Variants in KCNV1 observed in about 807,000 individuals in gnomAD.
KCNV1 encodes the protein potassium voltage-gated channel subfamily V member 1.
Under a neutral mutation model 36.4 loss-of-function variants are expected in KCNV1, and 2 were observed. The ratio of observed to expected loss-of-function variants is 0.05; its 90% CI spans 0.02 to 0.17. The LOEUF is 0.17. Among genes scored for constraint, KCNV1 ranks in the 10% least tolerant of loss-of-function variants. The pLI, the probability that KCNV1 is intolerant of heterozygous loss-of-function variation, is 1.00. For missense variants in KCNV1, 321 were observed against 643.6 expected, an observed-to-expected ratio of 0.50 and a Z score of 5.42; for synonymous variants, 280 against 261.1, an observed-to-expected ratio of 1.07 and a Z score of -0.70.
intron 1 of KCNV1, among the ~76,000 whole-genome samples, 198 bp downstream of exon 1, chr8:109,975,421 A>T (rs1157661986): frequency 1.3e-5 from 2 of 152,166 alleles, no homozygotes; most frequent in Non-Finnish European, 2.9e-5. Flanking sequence ...AGGCAAAAAG[A>T]CAAGGAATAG....
chr8:109,967,892 T>G lies in KCNV1; in HGVS notation c.*196A>C. ...TGTGTTAATTGGCTATTTTGGACAC[T>G]CAAATGTGTCAGAACACTGTGCAGT... On this transcript the variant is annotated 3_prime_UTR_variant, in exon 4 of 4. Transcript: ENST00000524391. 1 of 544,172 alleles carries G rather than the reference T, an allele frequency of 1.8e-6. No individual in the cohort carries two copies. The highest frequency in any genetic ancestry group is 3.2e-6 in the Non-Finnish European group (1 of 314,560). The allele number at this position is 544,172 out of a possible 1,614,324, so 33.7% of individuals were successfully genotyped here.
In KCNV1 at chr8:109,972,385, G is replaced by T. The variant is rs773302507; in HGVS notation, c.864C>A (p.Ile288=). Residue 288 remains isoleucine (I), a synonymous_variant, in exon 3 of 4, where the codon ATC becomes ATA. Coordinates refer to ENST00000524391, the MANE Select transcript of KCNV1 (RefSeq NM_014379.4). This position sits in a 1 kb window ranked among gnomAD's most constrained non-coding sequence, Gnocchi z 5.2. ...CACTTAGGCTCTCTACCAGAAGAGT[G>T]ATGTAGAAGGGCAAGATGGCAAGGA... ...IDLLAILPFY[I]TLLVESLSGS... is the part of the protein sequence containing the mutation. 2.5e-6 allele frequency: 4 copies of T among 1,614,130 alleles called. No homozygotes were observed. The highest frequency in any genetic ancestry group is 3.4e-6 in the Non-Finnish European group (4 of 1,180,028).
Position 109,966,013 on chromosome 8 carries a change from A to C in KCNV1, c.*2075T>G, listed in dbSNP as rs951148665. 6.6e-6 allele frequency: 1 copy of C among 152,204 alleles called. No homozygotes were observed. Among genetic ancestry groups the C allele is most frequent in the African/African-American group, 2.4e-5 (1 of 41,452 alleles). The allele number at this position is 152,204 out of a possible 1,614,324, so 9.4% of individuals were successfully genotyped here. On this transcript the variant is annotated 3_prime_UTR_variant, in exon 4 of 4. Coordinates refer to ENST00000524391, the MANE Select transcript of KCNV1 (RefSeq NM_014379.4). ...TTTGAACAGAATATTAACTACAAGAAAACAGGACCTAGTCTTGTTTAAGAA... is the reference window on the plus strand; with the variant it reads ...TTTGAACAGAATATTAACTACAAGACAACAGGACCTAGTCTTGTTTAAGAA...
chr8:109,963,980 G>A lies in KCNV1; in HGVS notation c.*4108C>T, dbSNP rs1819916252. The A allele has an allele frequency of 1.3e-5, 2 of 152,008 alleles. No individual in the cohort carries two copies. The highest frequency in any genetic ancestry group is 6.6e-5 in the Admixed American group (1 of 15,250). The allele number at this position is 152,008 out of a possible 1,614,324, so 9.4% of individuals were successfully genotyped here. On this transcript the variant is annotated 3_prime_UTR_variant, in exon 4 of 4. Coordinates refer to ENST00000524391, the MANE Select transcript of KCNV1 (RefSeq NM_014379.4). ...TGAAGACACAAAAGGTGGTTGCAACGAAAGCAAAAATTGGCAAATGGGATC... is the reference window on the plus strand; with the variant it reads ...TGAAGACACAAAAGGTGGTTGCAACAAAAGCAAAAATTGGCAAATGGGATC...
intron 2 of KCNV1, among the ~76,000 whole-genome samples, chr8:109,973,041 G>A (rs991412722): frequency 2.7e-5 from 4 of 149,326 alleles, no homozygotes; most frequent in East Asian, 2.0e-4. Flanking sequence ...GCAGCGGAGT[G>A]ATCTCGGCTT....
At position 109,968,111 on chromosome 8, in the gene KCNV1, C is replaced by T. The variant is rs1819965430; in HGVS notation, c.1480G>A (p.Gly494Arg). ...GRERASTRSS[G>R]GDDFWF ...ATTCAAAACCAGAAATCATCTCCCC[C>T]GCTGCTCCTAGTACTTGCTCTTTCT... Residue 494 changes from glycine to arginine, a missense_variant, in exon 4 of 4, where the codon GGG becomes AGG. Gly to Arg is a moderately radical substitution (Grantham distance 125). Around this residue, in one of 5 missense-constraint regions of KCNV1, gnomAD observed 45 missense variants for 76.8 expected, o/e 0.59. Coordinates refer to ENST00000524391, the MANE Select transcript of KCNV1 (RefSeq NM_014379.4). The surrounding 1 kb of genome is among the most constrained non-coding windows in gnomAD (Gnocchi z 5.3). The T allele has an allele frequency of 1.2e-6, 2 of 1,612,012 alleles. No individual in the cohort carries two copies. The highest frequency in any genetic ancestry group is 1.7e-6 in the Non-Finnish European group (2 of 1,178,344).
intron 3 of KCNV1, among the ~76,000 whole-genome samples, chr8:109,969,709 G>A (rs1248493160): frequency 1.3e-5 from 2 of 152,064 alleles, no homozygotes; most frequent in African/African-American, 2.4e-5. Context: ...GCCCAGCGTG[G>A]TGGTGCGTGC....
rs1229188508 is a variant in KCNV1, at chr8:109,966,172, TA to T, written c.*1915del. ...GGGATATTTTGAGGATAAAATGGCA[TA>T]ATACATGATGAATACAGAGCATAGT... On this transcript the variant is annotated 3_prime_UTR_variant, in exon 4 of 4. Coordinates refer to ENST00000524391, the MANE Select transcript of KCNV1 (RefSeq NM_014379.4). The T allele has an allele frequency of 1.3e-4, 20 of 152,192 alleles. No homozygotes were observed. The highest frequency in any genetic ancestry group is 4.8e-4 in the African/African-American group (20 of 41,438). 9.4% of individuals were successfully genotyped at this position (152,192 alleles called of 1,614,324 possible).
Position 109,972,609 on chromosome 8 carries a change from C to A in KCNV1, c.640G>T (p.Val214Phe), listed in dbSNP as rs765741797. 4 of 1,614,026 alleles carry A rather than the reference C, an allele frequency of 2.5e-6. No individual in the cohort carries two copies. The highest frequency in any genetic ancestry group is 1.3e-5 in the African/African-American group (1 of 74,906). ...GSSTAARIFG[V>F]ISIIFVVVSI... is the part of the protein sequence containing the mutation. ...ACCACCACGAAGATAATGGAGATGA[C>A]GCCAAAGATACGGGCAGCTGTGGAA... The change falls in exon 3 of 4, where the codon GTC becomes TTC. Residue 214 changes from valine (V) to phenylalanine (F), a missense_variant. This residue lies in a region of KCNV1 where 141 missense variants were observed against 225.0 expected (regional missense o/e 0.63). Transcript: ENST00000524391. The surrounding 1 kb of genome is among the most constrained non-coding windows in gnomAD (Gnocchi z 5.2).
At chr8:109,970,183 G>A (rs1819993145) in intron 3 of KCNV1, among the ~76,000 whole-genome samples, 1 of 152,116 alleles carries the variant, frequency 6.6e-6, no homozygotes, top group African/African-American at 2.4e-5. Flanking sequence ...GTATTTTGAA[G>A]TTTAACTTCA....
rs1415873649 is a variant in KCNV1 at position 109,964,999 on chromosome 8, A to C, written c.*3089T>G. ...TATCCCTGAACTTAAAATAACAGTTAAATTAACAAAGAAAGTGGCTAACAC... is the reference window on the plus strand; with the variant it reads ...TATCCCTGAACTTAAAATAACAGTTCAATTAACAAAGAAAGTGGCTAACAC... On this transcript the variant is annotated 3_prime_UTR_variant, in exon 4 of 4. Coordinates refer to ENST00000524391, the MANE Select transcript of KCNV1 (RefSeq NM_014379.4). The C allele has an allele frequency of 6.6e-6, 1 of 152,206 alleles. No homozygotes were observed. Among genetic ancestry groups the C allele is most frequent in the Non-Finnish European group, 1.5e-5 (1 of 68,018 alleles). 9.4% of individuals were successfully genotyped at this position (152,206 alleles called of 1,614,324 possible).
chr8:109,969,456 T>G (rs1203981709), intron 3 of KCNV1, among the ~76,000 whole-genome samples: 1 of 152,158 alleles, frequency 6.6e-6, no homozygotes, highest in Non-Finnish European at 1.5e-5. Flanking sequence ...ATTGGCTGCT[T>G]TTCCATTCCT....
At chr8:109,971,938 AC>A (rs1368219492) in intron 3 of KCNV1, among the ~76,000 whole-genome samples, 7 of 152,116 alleles carry the variant, frequency 4.6e-5, no homozygotes, top group Non-Finnish European at 1.0e-4. Flanking sequence ...TTTGTCCAGA[AC>A]CTTGAATAGG....
chr8:109,973,474 A>C (rs979215470), intron 2 of KCNV1, among the ~76,000 whole-genome samples: 2 of 152,230 alleles, frequency 1.3e-5, no homozygotes, highest in Non-Finnish European at 2.9e-5. Flanking sequence ...TCAGAGTTCC[A>C]CAATCATTCA....
In KCNV1 at chr8:109,968,721, G is replaced by GAA; in HGVS notation, c.992-123_992-122insTT. ...TGCACTGCACACTTAAATGTCCCCA[G>GAA]CACTGGGCAATGTTCTGGGGATACA... On this transcript the variant is annotated intron_variant, in intron 3 of 3. Transcript: ENST00000524391. The surrounding 1 kb of genome is among the most constrained non-coding windows in gnomAD (Gnocchi z 5.3). 1 of 938,216 alleles carries GAA rather than the reference G, an allele frequency of 1.1e-6. No homozygotes were observed. Among genetic ancestry groups the GAA allele is most frequent in the Non-Finnish European group, 1.6e-6 (1 of 640,190 alleles). 58.1% of individuals were successfully genotyped at this position (938,216 alleles called of 1,614,324 possible).
intron 3 of KCNV1, among the ~76,000 whole-genome samples, chr8:109,971,253 T>C (rs1587136328): frequency 6.6e-6 from 1 of 152,174 alleles, no homozygotes; most frequent in Non-Finnish European, 1.5e-5. Flanking sequence ...ATCAAAGTCA[T>C]TGGTGAACTT....
Position 109,972,841 on chromosome 8 carries a change from A to G in KCNV1, c.462-54T>C, listed in dbSNP as rs982959573. ...TCTAACTTTATTAAAATACAGAAGT[A>G]TAAGATAATTAAACATGGCAGGGAG... On this transcript the variant is annotated intron_variant, in intron 2 of 3. Coordinates refer to ENST00000524391, the MANE Select transcript of KCNV1 (RefSeq NM_014379.4). The surrounding 1 kb of genome is among the most constrained non-coding windows in gnomAD (Gnocchi z 5.2). 1.4e-5 allele frequency: 20 copies of G among 1,381,046 alleles called. No individual in the cohort carries two copies. Among genetic ancestry groups the G allele is most frequent in the Middle Eastern group, 2.4e-4 (1 of 4,168 alleles). 85.5% of individuals were successfully genotyped at this position (1,381,046 alleles called of 1,614,324 possible).
Position 109,974,203 on chromosome 8 carries a change from G to T in KCNV1, c.186C>A (p.His62Gln), listed in dbSNP as rs977778850. 4 of 1,586,932 alleles carry T rather than the reference G, an allele frequency of 2.5e-6. No homozygotes were observed. The African/African-American group carries it at 4.0e-5, about 16-fold the overall frequency. The change falls in exon 2 of 4, where the codon CAC (histidine) becomes CAA (glutamine). Residue 62 changes from histidine to glutamine, a missense_variant. Around this residue, in one of 5 missense-constraint regions of KCNV1, gnomAD observed 60 missense variants for 160.5 expected, o/e 0.37. Coordinates refer to ENST00000524391, the MANE Select transcript of KCNV1 (RefSeq NM_014379.4). The surrounding 1 kb of genome is among the most constrained non-coding windows in gnomAD (Gnocchi z 6.2). Reference protein sequence around the residue: ...LSQQALSCFPHTRLGKLAVVV... With the variant: ...LSQQALSCFPQTRLGKLAVVV... ...CCACGGCCAGCTTGCCAAGGCGCGTGTGCGGGAAGCAGGACAGCGCCTGCT... is the reference window on the plus strand; with the variant it reads ...CCACGGCCAGCTTGCCAAGGCGCGTTTGCGGGAAGCAGGACAGCGCCTGCT...
intron 1 of KCNV1, among the ~76,000 whole-genome samples, 167 bp downstream of exon 1, chr8:109,975,452 G>A (rs965682864): frequency 2.6e-5 from 4 of 152,164 alleles, no homozygotes; most frequent in Non-Finnish European, 4.4e-5. Flanking sequence ...GGCTGGGGCA[G>A]GAATTTAAAT....
Sources: allele counts gnomAD v4.1 joint callset (sites outside exome capture counted in the v4.1 genomes callset), GRCh38; gene constraint gnomAD v4.1.1; regional missense constraint gnomAD v4.1.1; non-coding constraint Gnocchi (gnomAD v3.1); transcripts MANE v1.5; gene names NCBI Gene and HGNC (gene_info 2026-07-23, HGNC 2026-07-21).